The following IQGAP2 variants were observed in gnomAD, a reference collection of about 807,000 sequenced individuals.
The protein encoded by IQGAP2 is IQ motif containing GTPase activating protein 2.
IQGAP2 carries 173 observed loss-of-function variants against 201.3 expected under a neutral mutation model. The observed-to-expected ratio is 0.86, with a 90% CI of 0.76 to 0.98. IQGAP2 has a LOEUF of 0.98. Among genes scored for constraint, IQGAP2 ranks in the 50% least tolerant of loss-of-function variants. The pLI is 0.00. For synonymous variants in IQGAP2, 675 were observed against 673.9 expected, an observed-to-expected ratio of 1.00 and a Z score of -0.03; for missense variants, 1,687 against 1,864.8, an observed-to-expected ratio of 0.90 and a Z score of 1.76.
intron 2 of IQGAP2, among the ~76,000 whole-genome samples, chr5:76,479,758 T>G (rs1344071514): frequency 6.6e-6 from 1 of 152,210 alleles, no homozygotes; most frequent in East Asian, 1.9e-4. Context: ...GCCTGCAATC[T>G]GAAACACACC....
At chr5:76,598,267 C>T (rs1747179576) in intron 10 of IQGAP2, among the ~76,000 whole-genome samples, 1 of 152,100 alleles carries the variant, frequency 6.6e-6, no homozygotes, top group Non-Finnish European at 1.5e-5. Flanking sequence ...TAACTCACTA[C>T]ACATATATCA....
chr5:76,674,849 G>A, intron 27 of IQGAP2, 140 bp downstream of exon 27: 1 of 648,928 alleles, frequency 1.5e-6, no homozygotes, highest in Non-Finnish European at 2.7e-6. Context: ...AGCCACTGGG[G>A]AAAGAGGAGA....
chr5:76,420,667 G>A (rs1233333956), intron 1 of IQGAP2, among the ~76,000 whole-genome samples: 1 of 152,122 alleles, frequency 6.6e-6, no homozygotes, highest in Non-Finnish European at 1.5e-5. Flanking sequence ...GAGCCACCGT[G>A]CCCAGCCTCT....
chr5:76,671,737 G>T, intron 23 of IQGAP2, 22 bp from the exon 24 acceptor site: 13 of 1,449,150 alleles, frequency 9.0e-6, no homozygotes, highest in African/African-American at 1.4e-5. Flanking sequence ...AAACCATTTT[G>T]TTTTGTCTTG....
chr5:76,604,314 T>C (rs1277600556), intron 11 of IQGAP2, among the ~76,000 whole-genome samples: 2 of 48,226 alleles, frequency 4.1e-5, no homozygotes, highest in East Asian at 4.3e-4. Context: ...GAACTCATCC[T>C]TTTTTTTTAT....
At chr5:76,426,848 C>T (rs1752030850) in intron 1 of IQGAP2, among the ~76,000 whole-genome samples, 1 of 151,998 alleles carries the variant, frequency 6.6e-6, no homozygotes, top group Admixed American at 6.5e-5. Flanking sequence ...CCATCCTTGG[C>T]TGTCACACAC....
At chr5:76,473,478 T>G (rs1755237280) in intron 2 of IQGAP2, among the ~76,000 whole-genome samples, 1 of 152,200 alleles carries the variant, frequency 6.6e-6, no homozygotes, top group African/African-American at 2.4e-5. Context: ...TTGCTCATTT[T>G]AGGCTAGCTC....
intron 3 of IQGAP2, among the ~76,000 whole-genome samples, chr5:76,566,451 C>T (rs1261674873): frequency 2.0e-5 from 3 of 152,024 alleles, no homozygotes; most frequent in Non-Finnish European, 2.9e-5. Context: ...AGAGCTTGTC[C>T]GTAGCAGAGT....
intron 20 of IQGAP2, among the ~76,000 whole-genome samples, chr5:76,657,553 T>C (rs32947): frequency 0.54 from 81,852 of 151,958 alleles, 22,853 homozygotes; most frequent in Non-Finnish European, 0.63. Context: ...AGGGCCTAGG[T>C]GTAAAGGAGG....
chr5:76,480,911 T>TGCTGGTGGGTTTGGTGTCCC lies in IQGAP2; in HGVS notation c.146+19242_146+19243insGCTGGTGGGTTTGGTGTCCC, dbSNP rs1561403305. ...GGAGACTGAATGTCCAAGATCAAAGTACTGGTGGGTTTGGTGTCCCATACC... is the reference window on the plus strand; with the variant it reads ...GGAGACTGAATGTCCAAGATCAAAGTGCTGGTGGGTTTGGTGTCCCACTGGTGGGTTTGGTGTCCCATACC... On this transcript the variant is annotated intron_variant, in intron 2 of 35. Coordinates refer to ENST00000274364, the MANE Select transcript of IQGAP2 (RefSeq NM_006633.5). Among the ~76,000 whole-genome samples the TGCTGGTGGGTTTGGTGTCCC allele has an allele frequency of 8.1e-3, 1,240 of 152,256 alleles. 19 individuals carry two copies. Among genetic ancestry groups the TGCTGGTGGGTTTGGTGTCCC allele is most frequent in the African/African-American group, 0.028 (1,178 of 41,546 alleles).
chr5:76,423,114 A>T (rs1187178362), intron 1 of IQGAP2, among the ~76,000 whole-genome samples: 1 of 152,188 alleles, frequency 6.6e-6, no homozygotes, highest in Non-Finnish European at 1.5e-5. Flanking sequence ...CCATTTTATT[A>T]GTTTCCTGTT....
At chr5:76,493,654 T>A (rs1043522926) in intron 2 of IQGAP2, among the ~76,000 whole-genome samples, 1 of 152,230 alleles carries the variant, frequency 6.6e-6, no homozygotes, top group Non-Finnish European at 1.5e-5. Context: ...TGATTTTTTT[T>A]CTTTTTATTT....
At chr5:76,692,158 A>G (rs1204072810) in intron 30 of IQGAP2, among the ~76,000 whole-genome samples, 1 of 152,102 alleles carries the variant, frequency 6.6e-6, no homozygotes, top group East Asian at 1.9e-4. Flanking sequence ...CTATCTATCT[A>G]GATATCTATC....
intron 28 of IQGAP2, among the ~76,000 whole-genome samples, chr5:76,678,451 G>A (rs1745018840): frequency 6.6e-6 from 1 of 152,058 alleles, no homozygotes; most frequent in East Asian, 1.9e-4. Flanking sequence ...AAGCATTGAG[G>A]GGTTTGCATT....
At chr5:76,510,724 G>A (rs544828686) in intron 2 of IQGAP2, 31 of 521,890 alleles carry the variant, frequency 5.9e-5, no homozygotes, top group Admixed American at 1.2e-4. Context: ...TCACCCTCTC[G>A]GACCTAAGGG....
At chr5:76,457,333 C>T (rs1754150890) in intron 1 of IQGAP2, among the ~76,000 whole-genome samples, 1 of 152,138 alleles carries the variant, frequency 6.6e-6, no homozygotes, top group Non-Finnish European at 1.5e-5. Context: ...GAGAAACACC[C>T]TAAATAATAC....
chr5:76,535,654 C>T (rs1759580487), intron 2 of IQGAP2, among the ~76,000 whole-genome samples: 1 of 152,168 alleles, frequency 6.6e-6, no homozygotes, highest in Non-Finnish European at 1.5e-5. Context: ...CATAAAAAGG[C>T]TGATGATGAC....
chr5:76,662,300 G>T (rs886906887), intron 21 of IQGAP2, among the ~76,000 whole-genome samples: 2 of 152,134 alleles, frequency 1.3e-5, no homozygotes, highest in Non-Finnish European at 2.9e-5. Context: ...CATTGCCTCC[G>T]TTGCTTCCCT....
At chr5:76,488,366 T>C (rs1756303682) in intron 2 of IQGAP2, among the ~76,000 whole-genome samples, 2 of 152,240 alleles carry the variant, frequency 1.3e-5, no homozygotes, top group African/African-American at 2.4e-5. Context: ...AGATTAAATA[T>C]TCTTTTTTTA....
Sources: allele counts gnomAD v4.1 joint callset (sites outside exome capture counted in the v4.1 genomes callset), GRCh38; gene constraint gnomAD v4.1.1; transcripts MANE v1.5; gene names NCBI Gene and HGNC (gene_info 2026-07-23, HGNC 2026-07-21).